ZFP28: variants seen among roughly 807,000 people sequenced by gnomAD.
The protein encoded by ZFP28 is ZFP28 zinc finger protein, also known as zinc finger protein 28 homolog.
ZFP28 carries 31 observed loss-of-function variants against 39.5 expected under a neutral mutation model. The observed-to-expected ratio is 0.79, with a 90% confidence interval of 0.59 to 1.06. ZFP28 has a LOEUF of 1.06. ZFP28 is among the 50% of genes least tolerant of loss of function. ZFP28 has a pLI of 0.00. For missense variants in ZFP28, 925 were observed against 1,048.4 expected, an observed-to-expected ratio of 0.88 and a Z score of 1.63; for synonymous variants, 400 against 378.6, an observed-to-expected ratio of 1.06 and a Z score of -0.66.
At chr19:56,550,468 C>T in intron 6 of ZFP28, 42 bp from the exon 7 acceptor site, 2 of 1,556,976 alleles carry the variant, frequency 1.3e-6, no homozygotes, top group Non-Finnish European at 1.8e-6. Context: ...TTTTAGGATG[C>T]CAAGACTATT....
chr19:56,548,205 C>T (rs906733029), intron 4 of ZFP28, among the ~76,000 whole-genome samples: 2 of 152,156 alleles, frequency 1.3e-5, no homozygotes, highest in Non-Finnish European at 2.9e-5. Flanking sequence ...TCAAAGGAAA[C>T]GCTTGCATTG....
chr19:56,538,773 GGGGCGGGGCGGGGCGGGGC>G (rs2044159117), upstream of ZFP28, among the ~76,000 whole-genome samples: 1 of 780 alleles, frequency 1.3e-3, no homozygotes, highest in Non-Finnish European at 2.2e-3. Flanking sequence ...GCTGAGGGGC[GGGGCGGGGCGGGGCGGGGC>G]GGGGCGGGGC....
intron 7 of ZFP28, chr19:56,551,692 T>TAA: frequency 1.0e-6 from 1 of 985,154 alleles, no homozygotes; most frequent in African/African-American, 1.7e-5. Context: ...ACATGAAAAC[T>TAA]TTTGCTCATT....
Position 56,550,184 on chromosome 19 carries a change from A to G in ZFP28, c.802+3A>G. ...CAACAGTGACCTGGGATCAGCAGGT[A>G]AGGATGTCCCTCTCCCATATTTGAA... On this transcript the variant is annotated splice_donor_region_variant and intron_variant, in intron 6 of 7. Transcript: ENST00000301318. The G allele has an allele frequency of 6.2e-7, 1 of 1,603,368 alleles. No homozygotes were observed. Among genetic ancestry groups the G allele is most frequent in the Non-Finnish European group, 8.5e-7 (1 of 1,174,012 alleles).
chr19:56,546,156 C>T (rs1454212224), intron 2 of ZFP28: 3 of 152,140 alleles, frequency 2.0e-5, no homozygotes, highest in Non-Finnish European at 4.4e-5. Context: ...GGCACAGAGG[C>T]GTTAGGTAAC....
chr19:56,545,826 GGCTA>G (rs1387650007), intron 2 of ZFP28: 5 of 152,198 alleles, frequency 3.3e-5, no homozygotes, highest in African/African-American at 1.2e-4. Context: ...GGAACTTGAA[GGCTA>G]CATTATCAGG....
At chr19:56,543,070 A>G (rs1368424645) in intron 2 of ZFP28, among the ~76,000 whole-genome samples, 2 of 152,122 alleles carry the variant, frequency 1.3e-5, no homozygotes, top group African/African-American at 4.8e-5. Context: ...GCTAGAATTC[A>G]TGTTTTGAAA....
intron 7 of ZFP28, chr19:56,551,110 G>A (rs2044297944): frequency 2.9e-6 from 3 of 1,029,674 alleles, no homozygotes; most frequent in South Asian, 7.5e-5. Context: ...TAGCTTGCAT[G>A]AAGTAGAGTT....
chr19:56,548,995 C>A lies in ZFP28; in HGVS notation c.561C>A (p.Leu187=), dbSNP rs1568486095. 6.2e-7 allele frequency: 1 copy of A among 1,614,006 alleles called. No individual in the cohort carries two copies. Among genetic ancestry groups the A allele is most frequent in the East Asian group, 2.2e-5 (1 of 44,854 alleles). The change falls in exon 5 of 8, where the codon CTC becomes CTA. Residue 187 remains leucine (L), a synonymous_variant. Coordinates refer to ENST00000301318, the MANE Select transcript of ZFP28 (RefSeq NM_020828.2). ...KAVWKIKELP[L]KKDFCEGKLS... ...TGTGGAAGATCAAGGAGTTACCTCT[C>A]AAGAAGGACTTCTGCGAAGGAAAGC...
chr19:56,553,547 G>A (rs764908980), intron 7 of ZFP28, 137 bp from the exon 8 acceptor site: 5 of 1,183,982 alleles, frequency 4.2e-6, no homozygotes, highest in Non-Finnish European at 5.8e-6. Context: ...GGCCCTAAAT[G>A]TAATAGTTTT....
chr19:56,556,175 A>T lies in ZFP28; in HGVS notation c.*783A>T, dbSNP rs1015415798. On this transcript the variant is annotated 3_prime_UTR_variant, in exon 8 of 8. Transcript: ENST00000301318. ...TTGTATGGTCCATGATCTAGAATTT[A>T]AAAAAATTTTAAAGGGTTGAAAAAA... is the stretch of plus-strand genomic sequence containing the variant. 1 of 152,226 alleles carries T rather than the reference A, an allele frequency of 6.6e-6. No individual in the cohort carries two copies. Among genetic ancestry groups the T allele is most frequent in the Non-Finnish European group, 1.5e-5 (1 of 68,038 alleles). 9.4% of individuals were successfully genotyped at this position (152,226 alleles called of 1,614,324 possible). A position where few individuals can be genotyped will look rare whatever the true frequency, so the allele number is the denominator to read the frequency against.
In ZFP28 at chr19:56,550,080, T is replaced by C; in HGVS notation, c.701T>C (p.Ile234Thr). 6.2e-7 allele frequency: 1 copy of C among 1,611,482 alleles called. No homozygotes were observed. The highest frequency in any genetic ancestry group is 8.5e-7 in the Non-Finnish European group (1 of 1,178,964). The stretch of plus-strand genomic sequence containing the variant: ...TTACCATTGCAGGGCTTGGTGACTA[T>C]CAAAAACCTGGCTGTTGACTTCCGC... Reference protein sequence around the residue: ...LFETQPGLVTIKNLAVDFRQQ... With the variant: ...LFETQPGLVTTKNLAVDFRQQ... Residue 234 changes from isoleucine to threonine, a missense_variant, in exon 6 of 8, where the codon ATC becomes ACC. By Grantham distance (89) the Ile-to-Thr change is moderately conservative (BLOSUM62 -1). This residue lies in a region of ZFP28 where 556 missense variants were observed against 542.9 expected (regional missense o/e 1.02). Coordinates refer to ENST00000301318, the MANE Select transcript of ZFP28 (RefSeq NM_020828.2).
intron 7 of ZFP28, 64 bp from the exon 8 acceptor site, chr19:56,553,620 T>C: frequency 6.6e-7 from 1 of 1,516,744 alleles, no homozygotes; most frequent in Non-Finnish European, 8.8e-7. Flanking sequence ...TAGTTTTCCT[T>C]TTGGCAGATT....
chr19:56,546,921 C>G (rs993443943), intron 2 of ZFP28: 1 of 152,486 alleles, frequency 6.6e-6, no homozygotes, highest in African/African-American at 2.4e-5. Context: ...CAGGGGCTGT[C>G]TCCATATTTT....
chr19:56,551,734 CTTT>C (rs1433799630), intron 7 of ZFP28: 2 of 983,780 alleles, frequency 2.0e-6, no homozygotes, highest in East Asian at 2.3e-4. Context: ...TAAAATTATT[CTTT>C]TTTTATGAAA....
intron 2 of ZFP28, among the ~76,000 whole-genome samples, chr19:56,543,603 G>C (rs1244654976): frequency 1.3e-5 from 2 of 151,962 alleles, no homozygotes; most frequent in Non-Finnish European, 1.5e-5. Context: ...ACTTACATCA[G>C]ATGCCTATAT....
Position 56,554,171 on chromosome 19 carries a change from C to G in ZFP28, c.1386C>G (p.Ser462=), listed in dbSNP as rs374450402. Residue 462 remains serine, a synonymous_variant, in exon 8 of 8, where the codon TCC becomes TCG. Coordinates refer to ENST00000301318, the MANE Select transcript of ZFP28 (RefSeq NM_020828.2). The surrounding 1 kb of genome is among the most constrained non-coding windows in gnomAD (Gnocchi z 6.7). ...ECGKAFSDGS[S]FARHQRCHTG... is the part of the protein sequence containing the mutation. Reference sequence around the variant, plus strand: ...GGAAGGCCTTTAGTGACGGCTCATCCTTTGCCCGACACCAGAGATGTCACA... The same window carrying G: ...GGAAGGCCTTTAGTGACGGCTCATCGTTTGCCCGACACCAGAGATGTCACA... The G allele has an allele frequency of 2.5e-6, 4 of 1,614,032 alleles. No homozygotes were observed. Among genetic ancestry groups the G allele is most frequent in the Non-Finnish European group, 3.4e-6 (4 of 1,180,042 alleles).
chr19:56,550,985 T>C (rs2044296588), intron 7 of ZFP28: 19 of 1,347,880 alleles, frequency 1.4e-5, no homozygotes, highest in Non-Finnish European at 1.8e-5. Context: ...TTGAAAGTTA[T>C]GGGATTGAGC....
rs776435088 is a variant in ZFP28 at position 56,555,045 on chromosome 19, G to A, written c.2260G>A (p.Glu754Lys). The A allele has an allele frequency of 2.5e-6, 4 of 1,614,152 alleles. No individual in the cohort carries two copies. The highest frequency in any genetic ancestry group is 3.4e-6 in the Non-Finnish European group (4 of 1,180,036). The change falls in exon 8 of 8, where the codon GAA becomes AAA. Residue 754 changes from glutamate (E) to lysine (K), a missense_variant. Coordinates refer to ENST00000301318, the MANE Select transcript of ZFP28 (RefSeq NM_020828.2). The part of the protein sequence containing the change: ...LICHRRSHTG[E>K]KPYECSVCGK... ...TTGTCATCGCAGAAGTCATACTGGA[G>A]AAAAACCTTATGAATGCAGTGTGTG... is the stretch of plus-strand genomic sequence containing the variant.
Sources: gnomAD v4.1 joint callset for allele counts (sites outside exome capture counted in the v4.1 genomes callset) on GRCh38, gnomAD v4.1.1 for gene constraint, gnomAD v4.1.1 regional missense constraint, Gnocchi (gnomAD v3.1) non-coding constraint, MANE v1.5 for transcripts, NCBI Gene and HGNC (gene_info 2026-07-23, HGNC 2026-07-21) for gene names.